Variants in PBXIP1 observed in about 807,000 individuals in gnomAD.
PBXIP1 encodes PBX homeobox interacting protein 1, also known as pre-B-cell leukemia transcription factor-interacting protein 1.
A neutral mutation model predicts 73.7 loss-of-function variants in PBXIP1; 73 were observed. The ratio of observed to expected loss-of-function variants is 0.99; its 90% CI spans 0.82 to 1.20. The LOEUF is 1.20. Among genes scored for constraint, PBXIP1 ranks in the 50% most tolerant of loss-of-function variants. PBXIP1 has a pLI of 0.00. For missense variants in PBXIP1, 818 were observed against 911.4 expected (o/e 0.90, Z 1.32); for synonymous variants, 330 against 366.9 (o/e 0.90, Z 1.15).
rs1157431055 is a variant in PBXIP1 at position 154,953,767 on chromosome 1, A to G, written c.-36-10T>C. The G allele has an allele frequency of 1.3e-6, 2 of 1,590,708 alleles. No homozygotes were observed. The highest frequency in any genetic ancestry group is 1.7e-6 in the Non-Finnish European group (2 of 1,162,148). On this transcript the variant is annotated splice_polypyrimidine_tract_variant and intron_variant, in intron 1 of 10. Transcript: ENST00000368463. ...CTGCTGTGGCTGCCACCTGCAGAAG[A>G]AAGCTCTCTTAAGGATGGGAGCTCC...
At chr1:154,953,821 G>A (rs1326733339) in intron 1 of PBXIP1, 64 bp from the exon 2 acceptor site, 2 of 1,076,002 alleles carry the variant, frequency 1.9e-6, no homozygotes, top group Non-Finnish European at 1.4e-6. Context: ...GCAGAAAGCA[G>A]CCTTGGCTGG....
chr1:154,953,878 G>A (rs1655090209), intron 1 of PBXIP1, 121 bp from the exon 2 acceptor site: 3 of 612,776 alleles, frequency 4.9e-6, no homozygotes, highest in Non-Finnish European at 8.7e-6. Context: ...ACCAAGCCTG[G>A]TTCCAGTCCT....
At chr1:154,955,829 T>C (rs138564393) in intron 1 of PBXIP1, among the ~76,000 whole-genome samples, 5 of 152,328 alleles carry the variant, frequency 3.3e-5, no homozygotes, top group African/African-American at 1.2e-4. Flanking sequence ...GTCTCGCCTC[T>C]AGTTAATTTA....
Position 154,946,811 on chromosome 1 carries a change from A to T in PBXIP1, c.871-8T>A. The T allele has an allele frequency of 1.3e-6, 2 of 1,520,744 alleles. No individual in the cohort carries two copies. The highest frequency in any genetic ancestry group is 8.8e-7 in the Non-Finnish European group (1 of 1,135,774). The allele number at this position is 1,520,744 out of a possible 1,614,324, so 94.2% of individuals were successfully genotyped here. On this transcript the variant is annotated splice_polypyrimidine_tract_variant and splice_region_variant and intron_variant, in intron 9 of 10. Coordinates refer to ENST00000368463, the MANE Select transcript of PBXIP1 (RefSeq NM_020524.4). Reference sequence around the variant, plus strand: ...AAGCTCTTCCTTTTGGGCCTAGAATATGGTTTGGGACAAAGGAAGTCACAA... The same window carrying T: ...AAGCTCTTCCTTTTGGGCCTAGAATTTGGTTTGGGACAAAGGAAGTCACAA...
In PBXIP1 at chr1:154,946,767, G is replaced by A. The variant is rs1654842677; in HGVS notation, c.907C>T (p.Pro303Ser). The change falls in exon 10 of 11, where the codon CCC becomes TCC. Residue 303 changes from proline to serine, a missense_variant. Pro to Ser is a moderately conservative substitution (Grantham distance 74). Coordinates refer to ENST00000368463, the MANE Select transcript of PBXIP1 (RefSeq NM_020524.4). Reference sequence around the variant, plus strand: ...GCATTCTCCTCCTCTAGCCCTTTGGGCTGGTGCATCAGGCTCTGAAGCTCT... The same window carrying A: ...GCATTCTCCTCCTCTAGCCCTTTGGACTGGTGCATCAGGCTCTGAAGCTCT... ...KEELQSLMHQ[P>S]KGLEEENAQL... 2.6e-6 allele frequency: 4 copies of A among 1,565,676 alleles called. No homozygotes were observed. Among genetic ancestry groups the A allele is most frequent in the Middle Eastern group, 1.8e-4 (1 of 5,562 alleles).
rs1435839656 is a variant in PBXIP1, at chr1:154,946,333, G to A, written c.1341C>T (p.Gly447=). 7 of 1,613,920 alleles carry A rather than the reference G, an allele frequency of 4.3e-6. No individual in the cohort carries two copies. The highest frequency in any genetic ancestry group is 5.9e-6 in the Non-Finnish European group (7 of 1,180,028). The change falls in exon 10 of 11, where the codon GGC becomes GGT. Residue 447 remains glycine (G), a synonymous_variant. Transcript: ENST00000368463. ...CATTGGCAGAGACCCCAGGGTCCTGGCCCCAGTTCTCCAGGCCCTGCAGTT... is the reference window on the plus strand; with the variant it reads ...CATTGGCAGAGACCCCAGGGTCCTGACCCCAGTTCTCCAGGCCCTGCAGTT... The part of the protein sequence containing the change: ...AQKLQGLENW[G]QDPGVSANAS...
In PBXIP1 at chr1:154,951,576, G is replaced by C; in HGVS notation, c.179-41C>G. The C allele has an allele frequency of 1.3e-6, 2 of 1,594,016 alleles. No individual in the cohort carries two copies. The highest frequency in any genetic ancestry group is 1.3e-5 in the African/African-American group (1 of 74,506). ...AGGCGCAGAAAAACCCACTGCCCCA[G>C]CTGAATTTCCTTTGCAGCCCTCTGT... On this transcript the variant is annotated intron_variant, in intron 3 of 10. Coordinates refer to ENST00000368463, the MANE Select transcript of PBXIP1 (RefSeq NM_020524.4). The surrounding 1 kb of genome is among the most constrained non-coding windows in gnomAD (Gnocchi z 4.3).
intron 7 of PBXIP1, 116 bp downstream of exon 7, chr1:154,947,866 C>A: frequency 1.5e-6 from 2 of 1,366,534 alleles, no homozygotes; most frequent in South Asian, 2.4e-5. Context: ...CCCTGAACAG[C>A]TGACAAGGCC....
In PBXIP1 at chr1:154,946,771, G is replaced by A. The variant is rs1174587973; in HGVS notation, c.903C>T (p.His301=). The change falls in exon 10 of 11, where the codon CAC becomes CAT. Residue 301 remains histidine, a synonymous_variant. Coordinates refer to ENST00000368463, the MANE Select transcript of PBXIP1 (RefSeq NM_020524.4). ...TCTCCTCCTCTAGCCCTTTGGGCTG[G>A]TGCATCAGGCTCTGAAGCTCTTCCT... ...AQKEELQSLM[H]QPKGLEEENA... 2 of 1,557,862 alleles carry A rather than the reference G, an allele frequency of 1.3e-6. No homozygotes were observed. Among genetic ancestry groups the A allele is most frequent in the East Asian group, 2.3e-5 (1 of 44,138 alleles).
At position 154,955,765 on chromosome 1, in the gene PBXIP1, A is replaced by G. The variant is rs147122096; in HGVS notation, c.-37+304T>C. The stretch of plus-strand genomic sequence containing the variant: ...AAGGATTATGACAGAGACTTCTGCT[A>G]TTTCTAAAAAACAGCTAAAGGGGGA... On this transcript the variant is annotated intron_variant, in intron 1 of 10. Transcript: ENST00000368463. Among the ~76,000 whole-genome samples the G allele has an allele frequency of 9.9e-3, 1,511 of 152,216 alleles. 27 individuals are homozygous for G. Among genetic ancestry groups the G allele is most frequent in the African/African-American group, 0.035 (1,436 of 41,520 alleles).
intron 10 of PBXIP1, 106 bp downstream of exon 10, chr1:154,945,466 C>T (rs954788368): frequency 8.0e-7 from 1 of 1,248,780 alleles, no homozygotes; most frequent in East Asian, 2.3e-5. Flanking sequence ...CTAAGGGAAG[C>T]CAGCTGGGGA....
chr1:154,947,873 G>GT (rs1654882260), intron 7 of PBXIP1, 109 bp downstream of exon 7: 12 of 1,381,330 alleles, frequency 8.7e-6, no homozygotes, highest in Non-Finnish European at 1.2e-5. Flanking sequence ...CAGCTGACAA[G>GT]GCCACTAACT....
chr1:154,945,763 G>C lies in PBXIP1; in HGVS notation c.1911C>G (p.Pro637=). The C allele has an allele frequency of 1.2e-6, 2 of 1,614,202 alleles. No individual in the cohort carries two copies. The highest frequency in any genetic ancestry group is 1.7e-6 in the Non-Finnish European group (2 of 1,180,008). The change falls in exon 10 of 11, where the codon CCC becomes CCG. Residue 637 remains proline, a synonymous_variant. Transcript: ENST00000368463. The stretch of plus-strand genomic sequence containing the variant: ...CCTCACCAAAGAAAGCAGGTGAGAG[G>C]GGTAGCTCCTTGGTCAGCTGCCCAG... ...PWAGQLTKEL[P]LSPAFFGEDG...
At chr1:154,946,827 G>A (rs1023832162) in intron 9 of PBXIP1, 24 bp from the exon 10 acceptor site, 17 of 1,510,538 alleles carry the variant, frequency 1.1e-5, no homozygotes, top group Non-Finnish European at 1.3e-5. Context: ...TGGGACAAAG[G>A]AAGTCACAAA....
intron 5 of PBXIP1, 49 bp from the exon 6 acceptor site, chr1:154,948,415 G>A (rs1478047798): frequency 1.5e-6 from 2 of 1,297,468 alleles, no homozygotes; most frequent in African/African-American, 1.5e-5. Flanking sequence ...GAGAGATGGG[G>A]AGACACAGGG....
chr1:154,944,852 G>A lies in PBXIP1; in HGVS notation c.*172C>T, dbSNP rs1654746692. On this transcript the variant is annotated 3_prime_UTR_variant, in exon 11 of 11. Transcript: ENST00000368463. Reference sequence around the variant, plus strand: ...TAGACGGCAACGCAGGTCCAGCTAAGGCCTTTTTCTACATAAAGTGACATC... The same window carrying A: ...TAGACGGCAACGCAGGTCCAGCTAAAGCCTTTTTCTACATAAAGTGACATC... The A allele has an allele frequency of 3.4e-6, 2 of 581,248 alleles. No homozygotes were observed. Among genetic ancestry groups the A allele is most frequent in the East Asian group, 2.8e-5 (1 of 35,418 alleles). The allele number at this position is 581,248 out of a possible 1,614,324, so 36.0% of individuals were successfully genotyped here. A position where few individuals can be genotyped will look rare whatever the true frequency, so the allele number is the denominator to read the frequency against.
rs1268728447 is a variant in PBXIP1 at position 154,946,496 on chromosome 1, G to A, written c.1178C>T (p.Ala393Val). Reference sequence around the variant, plus strand: ...CTGCCTCTCTAACTCTTGCCTTAATGCCTGTGCCTCAGCCTCCAGCTGTTC... The same window carrying A: ...CTGCCTCTCTAACTCTTGCCTTAATACCTGTGCCTCAGCCTCCAGCTGTTC... Reference protein sequence around the residue: ...QKEQLEAEAQALRQELERQRR... With the variant: ...QKEQLEAEAQVLRQELERQRR... Residue 393 changes from alanine (A) to valine (V), a missense_variant, in exon 10 of 11, where the codon GCA becomes GTA. Coordinates refer to ENST00000368463, the MANE Select transcript of PBXIP1 (RefSeq NM_020524.4). 6.2e-7 allele frequency: 1 copy of A among 1,609,428 alleles called. No homozygotes were observed. The highest frequency in any genetic ancestry group is 8.5e-7 in the Non-Finnish European group (1 of 1,179,988).
At position 154,946,555 on chromosome 1, in the gene PBXIP1, C is replaced by T. The variant is rs756276795; in HGVS notation, c.1119G>A (p.Glu373=). The change falls in exon 10 of 11, where the codon GAG becomes GAA. Residue 373 remains glutamate, a synonymous_variant. Coordinates refer to ENST00000368463, the MANE Select transcript of PBXIP1 (RefSeq NM_020524.4). ...TCAGGAAGCTGAGTTCTGGCTCCTG[C>T]TCCCTGGGGCCTTGCTCCCTGATGG... ...DKAIREQGPR[E]QEPELSFLKQ... 2 of 1,612,626 alleles carry T rather than the reference C, an allele frequency of 1.2e-6. No individual in the cohort carries two copies. The highest frequency in any genetic ancestry group is 1.7e-6 in the Non-Finnish European group (2 of 1,180,036).
chr1:154,953,505 G>A (rs1324757998), intron 2 of PBXIP1, among the ~76,000 whole-genome samples, 166 bp downstream of exon 2: 1 of 152,084 alleles, frequency 6.6e-6, no homozygotes, highest in African/African-American at 2.4e-5. Flanking sequence ...CTGACCCCTG[G>A]GGCCTGATCT....
Sources: allele counts gnomAD v4.1 joint callset (sites outside exome capture counted in the v4.1 genomes callset), GRCh38; gene constraint gnomAD v4.1.1; non-coding constraint Gnocchi (gnomAD v3.1); transcripts MANE v1.5; gene names NCBI Gene and HGNC (gene_info 2026-07-23, HGNC 2026-07-21).